Variants in IGSF21 observed in about 807,000 individuals in gnomAD.
The protein encoded by IGSF21 is immunoglobin superfamily member 21.
Under a neutral mutation model 46.8 loss-of-function variants are expected in IGSF21, and 28 were observed. The observed-to-expected ratio is 0.60, with a 90% confidence interval of 0.44 to 0.82. The LOEUF is 0.82. Among genes scored for constraint, IGSF21 ranks in the 40% least tolerant of loss-of-function variants. The pLI is 0.00. For missense variants in IGSF21, 624 were observed against 665.5 expected (o/e 0.94, Z 0.69); for synonymous variants, 284 against 273.6 (o/e 1.04, Z -0.38).
chr1:18,135,916 A>T (rs1352758894), intron 1 of IGSF21, among the ~76,000 whole-genome samples: 3 of 152,186 alleles, frequency 2.0e-5, no homozygotes, highest in African/African-American at 7.2e-5. Context: ...CATCCTCTCC[A>T]GCACCTGTTG....
chr1:18,376,642 A>G (rs1241815761), intron 7 of IGSF21, among the ~76,000 whole-genome samples, 158 bp from the exon 8 acceptor site: 2 of 152,212 alleles, frequency 1.3e-5, no homozygotes, highest in African/African-American at 2.4e-5. Flanking sequence ...CATTCTCTTA[A>G]GTCCCAGACT....
chr1:18,328,183 T>A (rs2085676517), intron 3 of IGSF21, among the ~76,000 whole-genome samples: 1 of 152,234 alleles, frequency 6.6e-6, no homozygotes, highest in Non-Finnish European at 1.5e-5. Flanking sequence ...AATAAGTCCA[T>A]CGTAAGTTCA....
At chr1:18,191,941 A>G (rs1398933367) in intron 1 of IGSF21, among the ~76,000 whole-genome samples, 1 of 152,290 alleles carries the variant, frequency 6.6e-6, no homozygotes, top group East Asian at 1.9e-4. Context: ...TGACACAAAC[A>G]TGTGACATCT....
chr1:18,280,764 C>G (rs1022682012), intron 2 of IGSF21, among the ~76,000 whole-genome samples: 1 of 152,026 alleles, frequency 6.6e-6, no homozygotes, highest in African/African-American at 2.4e-5. Flanking sequence ...CACAGCACCC[C>G]CAGAACTTGT....
At chr1:18,314,060 G>C (rs1285832280) in intron 3 of IGSF21, among the ~76,000 whole-genome samples, 1 of 152,172 alleles carries the variant, frequency 6.6e-6, no homozygotes, top group Non-Finnish European at 1.5e-5. Context: ...AAATATCATT[G>C]GGCAAGGCTG....
intron 1 of IGSF21, among the ~76,000 whole-genome samples, chr1:18,192,286 G>T (rs2086965478): frequency 6.6e-6 from 1 of 152,142 alleles, no homozygotes; most frequent in Non-Finnish European, 1.5e-5. Context: ...GCAGACTGGG[G>T]CATGAACACG....
intron 3 of IGSF21, among the ~76,000 whole-genome samples, chr1:18,318,246 A>G (rs1426576668): frequency 6.6e-6 from 1 of 152,150 alleles, no homozygotes; most frequent in Non-Finnish European, 1.5e-5. Context: ...CCAAATTTGC[A>G]GGTGGGTAGA....
chr1:18,193,057 G>A (rs1233977599), intron 1 of IGSF21, among the ~76,000 whole-genome samples: 1 of 151,886 alleles, frequency 6.6e-6, no homozygotes, highest in Non-Finnish European at 1.5e-5. Flanking sequence ...CAAGTTCATG[G>A]GGCTGAGACA....
At chr1:18,152,492 T>G (rs1386830892) in intron 1 of IGSF21, among the ~76,000 whole-genome samples, 1 of 152,176 alleles carries the variant, frequency 6.6e-6, no homozygotes, top group Admixed American at 6.5e-5. Context: ...CACAATTTGG[T>G]TTGGCCTTTT....
chr1:18,255,290 A>G (rs562236985), intron 2 of IGSF21, among the ~76,000 whole-genome samples: 1 of 152,274 alleles, frequency 6.6e-6, no homozygotes, highest in African/African-American at 2.4e-5. Flanking sequence ...ACCCACCTTG[A>G]TGCCCCTGCT....
chr1:18,122,193 C>CTTTTTTTTTTTTTTT (rs766563472), intron 1 of IGSF21, among the ~76,000 whole-genome samples: 1 of 78,760 alleles, frequency 1.3e-5, no homozygotes, highest in African/African-American at 4.7e-5. Flanking sequence ...TTCTTTCTTT[C>CTTTTTTTTTTTTTTT]TTTTTTTTTT....
chr1:18,251,050 A>G (rs1301187356), intron 2 of IGSF21, among the ~76,000 whole-genome samples: 1 of 152,156 alleles, frequency 6.6e-6, no homozygotes, highest in Non-Finnish European at 1.5e-5. Context: ...AGGGAAGAGC[A>G]TGCCAGGCAG....
chr1:18,260,341 G>A (rs992676355), intron 2 of IGSF21, among the ~76,000 whole-genome samples: 1 of 152,252 alleles, frequency 6.6e-6, no homozygotes, highest in African/African-American at 2.4e-5. Context: ...GTGCTGCAGG[G>A]TGGGGGAGCC....
At chr1:18,254,613 T>C (rs1200858985) in intron 2 of IGSF21, among the ~76,000 whole-genome samples, 1 of 152,158 alleles carries the variant, frequency 6.6e-6, no homozygotes, top group African/African-American at 2.4e-5. Flanking sequence ...TGAAAGCCAT[T>C]GCTCCCAAAG....
chr1:18,132,816 C>G (rs768562389), intron 1 of IGSF21, among the ~76,000 whole-genome samples: 2 of 151,158 alleles, frequency 1.3e-5, no homozygotes, highest in Non-Finnish European at 1.5e-5. Flanking sequence ...CCTGCCATCC[C>G]TTAAGCATCT....
chr1:18,123,912 C>T (rs1472972602), intron 1 of IGSF21, among the ~76,000 whole-genome samples: 1 of 152,194 alleles, frequency 6.6e-6, no homozygotes, highest in Admixed American at 6.5e-5. Flanking sequence ...CCCTGGCCCA[C>T]TGGCATTCAC....
rs1326010011 is a variant in IGSF21 at position 18,108,209 on chromosome 1, G to C, written c.70+11G>C. The C allele has an allele frequency of 7.2e-7, 1 of 1,385,334 alleles. No individual in the cohort carries two copies. The highest frequency in any genetic ancestry group is 9.3e-7 in the Non-Finnish European group (1 of 1,071,704). The allele number at this position is 1,385,334 out of a possible 1,614,324, so 85.8% of individuals were successfully genotyped here. The stretch of plus-strand genomic sequence containing the variant: ...TGGACCTGGCGCGCGGTGAGTGCGC[G>C]GGCGCCTGGCGGGAGCCGAGCGGTG... On this transcript the variant is annotated intron_variant, in intron 1 of 9. Coordinates refer to ENST00000251296, the MANE Select transcript of IGSF21 (RefSeq NM_032880.5).
chr1:18,129,198 T>C (rs2086297985), intron 1 of IGSF21, among the ~76,000 whole-genome samples: 1 of 152,046 alleles, frequency 6.6e-6, no homozygotes, highest in Admixed American at 6.6e-5. Flanking sequence ...AATTCCTCAC[T>C]CAAGGTGCCT....
At chr1:18,114,585 G>C (rs552009280) in intron 1 of IGSF21, 1 of 152,180 alleles carries the variant, frequency 6.6e-6, no homozygotes, top group Non-Finnish European at 1.5e-5. Context: ...CAGTTTCTCA[G>C]ATAAAGTAGC....
Sources: allele counts gnomAD v4.1 joint callset (sites outside exome capture counted in the v4.1 genomes callset), GRCh38; gene constraint gnomAD v4.1.1; transcripts MANE v1.5; gene names NCBI Gene and HGNC (gene_info 2026-07-23, HGNC 2026-07-21).